Variants in ANK1 observed in about 807,000 individuals in gnomAD.
The protein encoded by ANK1 is ankyrin 1, also known as ankyrin-1.
In ANK1, 51 loss-of-function variants were observed where a neutral mutation model predicts 210.4. The observed-to-expected ratio is 0.24, with a 90% CI of 0.19 to 0.31. The LOEUF (loss-of-function observed/expected upper bound fraction) is 0.31, where lower values mean the gene tolerates loss of function less well. Ranked by LOEUF, ANK1 falls within the 10% of genes least tolerant of loss-of-function variation. The pLI is 1.00. For missense variants in ANK1, 2,051 were observed against 2,504.4 expected (o/e 0.82, Z 3.86); for synonymous variants, 967 against 1,025.9 (o/e 0.94, Z 1.10).
At chr8:41,870,709 T>C (rs28463112) in intron 1 of ANK1, among the ~76,000 whole-genome samples, 31,113 of 152,178 alleles carry the variant, frequency 0.2, 4,663 homozygotes, top group East Asian at 0.43. Context: ...TGGAAGAGGC[T>C]GGCAGAAAGG....
At chr8:41,749,756 G>T (rs979396005) in intron 2 of ANK1, among the ~76,000 whole-genome samples, 2 of 152,010 alleles carry the variant, frequency 1.3e-5, no homozygotes, top group African/African-American at 4.8e-5. Flanking sequence ...GGGATTACAG[G>T]CATGCGCCAC....
intron 1 of ANK1, among the ~76,000 whole-genome samples, chr8:41,838,717 A>T (rs990248435): frequency 6.6e-6 from 1 of 151,654 alleles, no homozygotes; most frequent in Non-Finnish European, 1.5e-5. Flanking sequence ...GTGAGCCTGG[A>T]TCGTACCATT....
At chr8:41,682,658 G>A (rs1338967677) in intron 37 of ANK1, among the ~76,000 whole-genome samples, 2 of 152,216 alleles carry the variant, frequency 1.3e-5, no homozygotes, top group East Asian at 3.9e-4. Flanking sequence ...GGCCTGGTGG[G>A]AGCTAGGGGT....
rs1834691819 is a variant in ANK1 at position 41,741,138 on chromosome 8, A to T, written c.130-7069T>A. On this transcript the variant is annotated intron_variant, in intron 2 of 42. Coordinates refer to ENST00000289734, the MANE Select transcript of ANK1 (RefSeq NM_000037.4). ...GCACCCCATGGAGGTAGGGGAGGGG[A>T]GGCCTGTTTTATTCTCAGAATAAAT... Among the ~76,000 whole-genome samples the T allele has an allele frequency of 2.0e-5, 3 of 152,128 alleles. No homozygotes were observed. The South Asian group carries it at 6.2e-4, about 32-fold the overall frequency.
At chr8:41,827,754 CCACT>C (rs1413892257) in intron 1 of ANK1, among the ~76,000 whole-genome samples, 2 of 145,472 alleles carry the variant, frequency 1.4e-5, no homozygotes, top group African/African-American at 2.5e-5. Context: ...ATACATACAC[CCACT>C]CACACACCCC....
At chr8:41,821,431 G>A (rs181867785) in intron 1 of ANK1, among the ~76,000 whole-genome samples, 122 of 152,174 alleles carry the variant, frequency 8.0e-4, no homozygotes, top group African/African-American at 2.8e-3. Context: ...GCTCTTTAGG[G>A]GACAGAGATT....
At chr8:41,733,946 C>T (rs1452698629) in intron 3 of ANK1, 25 bp downstream of exon 3, 15 of 1,601,574 alleles carry the variant, frequency 9.4e-6, no homozygotes, top group Non-Finnish European at 1.3e-5. Flanking sequence ...CAATGCAAAG[C>T]TCCCCCACTC....
intron 1 of ANK1, among the ~76,000 whole-genome samples, chr8:41,885,638 G>A (rs928422262): frequency 2.0e-5 from 3 of 152,178 alleles, no homozygotes; most frequent in African/African-American, 7.2e-5. Context: ...GCTGTGGAAG[G>A]GCCTTCCCTG....
At chr8:41,781,994 C>T (rs1845435311) in intron 1 of ANK1, among the ~76,000 whole-genome samples, 1 of 152,174 alleles carries the variant, frequency 6.6e-6, no homozygotes, top group African/African-American at 2.4e-5. Flanking sequence ...CCTGGCCAAA[C>T]TGGGAATGGA....
In ANK1 at chr8:41,719,752, A is replaced by T; in HGVS notation, c.1016T>A (p.Leu339Gln). The T allele has an allele frequency of 1.2e-6, 2 of 1,614,210 alleles. No individual in the cohort carries two copies. Among genetic ancestry groups the T allele is most frequent in the Non-Finnish European group, 8.5e-7 (1 of 1,180,032 alleles). Residue 339 changes from leucine to glutamine, a missense_variant, in exon 10 of 43, where the codon CTG becomes CAG. Transcript: ENST00000289734. Reference protein sequence around the residue: ...AEIDDITLDHLTPLHVAAHCG... With the variant: ...AEIDDITLDHQTPLHVAAHCG... ...GTGGGCAGCCACGTGGAGTGGGGTC[A>T]GGTGGTCCAGGGTGATGTCGTCTAT...
rs781114773 is a variant in ANK1 at position 41,668,390 on chromosome 8, T to C, written c.5271A>G (p.Val1757=). The C allele has an allele frequency of 6.2e-7, 1 of 1,614,236 alleles. No homozygotes were observed. The highest frequency in any genetic ancestry group is 1.7e-5 in the Admixed American group (1 of 60,026). ...GCTGTTCTGTCCACGTGTGCTCACT[T>C]ACAGACACCAGGACCTTCTCGTACT... ...SQEYEKVLVS[V]SEHTWTEQPE... The change falls in exon 39 of 43, where the codon GTA becomes GTG. Residue 1757 remains valine, a synonymous_variant. Transcript: ENST00000289734.
chr8:41,864,266 A>G (rs1417674623), intron 1 of ANK1, among the ~76,000 whole-genome samples: 1 of 150,220 alleles, frequency 6.7e-6, no homozygotes, highest in Non-Finnish European at 1.5e-5. Flanking sequence ...AAAAAAAAAA[A>G]AGGGTACCAT....
At chr8:41,691,761 T>C (rs115231926) in intron 31 of ANK1, among the ~76,000 whole-genome samples, 1 of 152,226 alleles carries the variant, frequency 6.6e-6, no homozygotes, top group Non-Finnish European at 1.5e-5. Context: ...GGCAAGTTAC[T>C]TAACCTCTCA....
At chr8:41,714,846 C>T (rs892112209) in intron 15 of ANK1, 130 bp downstream of exon 15, 29 of 955,180 alleles carry the variant, frequency 3.0e-5, no homozygotes, top group African/African-American at 9.7e-5. Context: ...GGCAACAGAG[C>T]GAGACCCTGT....
intron 9 of ANK1, among the ~76,000 whole-genome samples, chr8:41,720,369 T>C (rs1828943468): frequency 6.6e-6 from 1 of 152,186 alleles, no homozygotes; most frequent in Admixed American, 6.5e-5. Flanking sequence ...TATGATAAAA[T>C]AGAACTTGGA....
chr8:41,725,679 G>A, intron 6 of ANK1, 82 bp downstream of exon 6: 2 of 1,533,096 alleles, frequency 1.3e-6, no homozygotes, highest in South Asian at 2.4e-5. Flanking sequence ...TCTCCTGCCT[G>A]GGAAGTCGCT....
At position 41,665,279 on chromosome 8, in the gene ANK1, C is replaced by T. The variant is rs142183303; in HGVS notation, c.5395-1537G>A. On this transcript the variant is annotated intron_variant, in intron 39 of 42. Coordinates refer to ENST00000289734, the MANE Select transcript of ANK1 (RefSeq NM_000037.4). ...CAGCCAGGCTCTGCCCTGAGTGGCCCGGGTGACATCACGCTCCTATAATTT... is the reference window on the plus strand; with the variant it reads ...CAGCCAGGCTCTGCCCTGAGTGGCCTGGGTGACATCACGCTCCTATAATTT... The T allele has an allele frequency of 1.8e-4, 266 of 1,483,482 alleles. 1 individual carries two copies. The African/African-American group carries it at 2.9e-3, about 16-fold the overall frequency. 91.9% of individuals were successfully genotyped at this position (1,483,482 alleles called of 1,614,324 possible). A position where few individuals can be genotyped will look rare whatever the true frequency, so the allele number is the denominator to read the frequency against.
chr8:41,872,346 C>G (rs1205926404), intron 1 of ANK1, among the ~76,000 whole-genome samples: 1 of 152,246 alleles, frequency 6.6e-6, no homozygotes, highest in Non-Finnish European at 1.5e-5. Context: ...CCACTTCCTG[C>G]CGGGCCCTAA....
At position 41,743,564 on chromosome 8, in the gene ANK1, G is replaced by A. The variant is rs574704916; in HGVS notation, c.130-9495C>T. Among the ~76,000 whole-genome samples, 146 of 152,156 alleles carry A rather than the reference G, an allele frequency of 9.6e-4. 1 individual carries two copies. Among genetic ancestry groups the A allele is most frequent in the Non-Finnish European group, 4.6e-4 (31 of 68,036 alleles). ...CTTAGAGGGCAGTGAACAGGGAGGT[G>A]CCCTGCAGGGCATGGGCAGCAGCGT... On this transcript the variant is annotated intron_variant, in intron 2 of 42. Coordinates refer to ENST00000289734, the MANE Select transcript of ANK1 (RefSeq NM_000037.4).
Sources: gnomAD v4.1 joint callset for allele counts (sites outside exome capture counted in the v4.1 genomes callset) on GRCh38, gnomAD v4.1.1 for gene constraint, MANE v1.5 for transcripts, NCBI Gene and HGNC (gene_info 2026-07-23, HGNC 2026-07-21) for gene names.